Variants in MDFIC2 observed in about 807,000 individuals in gnomAD.
The protein encoded by MDFIC2 is myoD family inhibitor domain-containing protein 2.
chr3:70,220,899 G>T (rs1205607753), intron 2 of MDFIC2, among the ~76,000 whole-genome samples: 2 of 152,116 alleles, frequency 1.3e-5, no homozygotes, highest in Non-Finnish European at 2.9e-5. Context: ...CCATGCCTTG[G>T]CATTCCTGAG....
At chr3:70,227,248 C>G (rs1701516729) in intron 2 of MDFIC2, among the ~76,000 whole-genome samples, 1 of 152,166 alleles carries the variant, frequency 6.6e-6, no homozygotes, top group Non-Finnish European at 1.5e-5. Flanking sequence ...TCTCACTGTT[C>G]TTTTTAAAAT....
chr3:70,232,421 G>C (rs1265694145), intron 2 of MDFIC2, among the ~76,000 whole-genome samples: 2 of 145,160 alleles, frequency 1.4e-5, no homozygotes, highest in Admixed American at 1.4e-4. Flanking sequence ...TTTTTTTCTT[G>C]CGATGGAGTC....
At chr3:70,274,241 TCA>T (rs1038597086) in intron 2 of MDFIC2, among the ~76,000 whole-genome samples, 1 of 152,084 alleles carries the variant, frequency 6.6e-6, no homozygotes, top group Non-Finnish European at 1.5e-5. Context: ...TTTAATACTC[TCA>T]GTTAGTTCAA....
intron 2 of MDFIC2, among the ~76,000 whole-genome samples, chr3:70,299,562 A>G (rs1002512151): frequency 2.6e-5 from 4 of 152,130 alleles, no homozygotes; most frequent in African/African-American, 4.8e-5. Flanking sequence ...TATCCAGTCC[A>G]TGGCCAAGGC....
At chr3:70,253,387 G>C (rs1701787539) in intron 2 of MDFIC2, among the ~76,000 whole-genome samples, 1 of 152,192 alleles carries the variant, frequency 6.6e-6, no homozygotes, top group Non-Finnish European at 1.5e-5. Flanking sequence ...GGATAAAGTA[G>C]AGAGTGGATG....
At chr3:70,233,119 G>A (rs1439344221) in intron 2 of MDFIC2, among the ~76,000 whole-genome samples, 1 of 152,204 alleles carries the variant, frequency 6.6e-6, no homozygotes, top group African/African-American at 2.4e-5. Context: ...AACCTGGGAG[G>A]CAGAGTTTGC....
At chr3:70,265,816 G>C (rs1445123494) in intron 2 of MDFIC2, among the ~76,000 whole-genome samples, 1 of 152,186 alleles carries the variant, frequency 6.6e-6, no homozygotes, top group African/African-American at 2.4e-5. Flanking sequence ...CAGGGTGGCA[G>C]GAGAGAGAAT....
chr3:70,244,480 C>T (rs1249316228), intron 2 of MDFIC2, among the ~76,000 whole-genome samples: 1 of 152,046 alleles, frequency 6.6e-6, no homozygotes, highest in Admixed American at 6.6e-5. Flanking sequence ...ATGATAATAT[C>T]AAGATTATTT....
chr3:70,246,180 G>A (rs111936893), intron 2 of MDFIC2, among the ~76,000 whole-genome samples: 2,700 of 151,986 alleles, frequency 0.018, 85 homozygotes, highest in African/African-American at 0.062. Flanking sequence ...ATTGACAGCC[G>A]TAAGATTCTT....
At chr3:70,290,148 G>GT (rs1702217525) in intron 2 of MDFIC2, among the ~76,000 whole-genome samples, 5 of 151,980 alleles carry the variant, frequency 3.3e-5, no homozygotes, top group Admixed American at 3.3e-4. Context: ...GCTTTTTAGA[G>GT]TTTCCAGTTT....
Position 70,299,576 on chromosome 3 carries a change from T to C in MDFIC2, c.88+12310A>G, listed in dbSNP as rs536467917. On this transcript the variant is annotated intron_variant, in intron 2 of 3. Transcript: ENST00000567252. ...ATATCCAGTCCATGGCCAAGGCTCG[T>C]TGGAGTCAGCGTTCTCTTGGGTGCC... Among the ~76,000 whole-genome samples the C allele has an allele frequency of 1.0e-3, 152 of 152,262 alleles. 1 individual carries two copies. The highest frequency in any genetic ancestry group is 3.0e-3 in the African/African-American group (124 of 41,568).
chr3:70,228,717 C>T (rs1701531682), intron 2 of MDFIC2, among the ~76,000 whole-genome samples: 2 of 143,956 alleles, frequency 1.4e-5, no homozygotes, highest in South Asian at 2.2e-4. Flanking sequence ...AATGTATATT[C>T]TTCTCATTAA....
At chr3:70,281,713 T>G (rs769733274) in intron 2 of MDFIC2, among the ~76,000 whole-genome samples, 2 of 152,202 alleles carry the variant, frequency 1.3e-5, no homozygotes, top group Non-Finnish European at 2.9e-5. Flanking sequence ...CCACCTCAAG[T>G]GAACTCCTTC....
intron 2 of MDFIC2, among the ~76,000 whole-genome samples, chr3:70,282,061 A>T (rs1702089752): frequency 1.3e-5 from 2 of 152,168 alleles, no homozygotes; most frequent in Non-Finnish European, 2.9e-5. Context: ...TATAAAGCCA[A>T]TCACTGAGAC....
At chr3:70,285,412 A>G (rs1430759387) in intron 2 of MDFIC2, among the ~76,000 whole-genome samples, 2 of 152,074 alleles carry the variant, frequency 1.3e-5, no homozygotes, top group African/African-American at 2.4e-5. Flanking sequence ...GCTGCATAGT[A>G]TTCTATGGTG....
At chr3:70,247,057 C>G (rs1553648408) in intron 2 of MDFIC2, among the ~76,000 whole-genome samples, 1 of 150,820 alleles carries the variant, frequency 6.6e-6, no homozygotes, top group Admixed American at 6.6e-5. Flanking sequence ...ATTTTTTTTT[C>G]TTTAGTTTAT....
intron 2 of MDFIC2, among the ~76,000 whole-genome samples, chr3:70,281,095 T>C (rs549176503): frequency 4.2e-4 from 64 of 152,324 alleles, no homozygotes; most frequent in African/African-American, 1.5e-3. Context: ...TTTTCTCCTG[T>C]TAATCAGCCT....
intron 3 of MDFIC2, chr3:70,205,992 T>C (rs1701287364): frequency 6.6e-6 from 1 of 151,964 alleles, no homozygotes; most frequent in South Asian, 2.1e-4. Flanking sequence ...AATTTGAAAT[T>C]GGCTTTGCAA....
intron 2 of MDFIC2, among the ~76,000 whole-genome samples, chr3:70,218,823 C>G (rs548260264): frequency 6.6e-5 from 10 of 152,230 alleles, no homozygotes; most frequent in Admixed American, 5.2e-4. Flanking sequence ...TGGCGAAAGA[C>G]CTACAGTTTG....
Sources: gnomAD v4.1 joint callset for allele counts (sites outside exome capture counted in the v4.1 genomes callset) on GRCh38, gnomAD v4.1.1 for gene constraint, MANE v1.5 for transcripts, NCBI Gene and HGNC (gene_info 2026-07-23, HGNC 2026-07-21) for gene names.